MSRA: variants seen among roughly 807,000 people sequenced by gnomAD.
MSRA encodes the protein mitochondrial peptide methionine sulfoxide reductase.
A neutral mutation model predicts 31.3 loss-of-function variants in MSRA; 54 were observed. The ratio of observed to expected loss-of-function variants is 1.73; its 90% CI spans 1.39 to 2.17. The LOEUF (loss-of-function observed/expected upper bound fraction) is 2.17, where lower values mean the gene tolerates loss of function less well. Ranked by LOEUF, MSRA falls within the 30% of genes most tolerant of loss-of-function variation. MSRA has a pLI of 0.00. For missense variants in MSRA, 507 were observed against 300.9 expected, an observed-to-expected ratio of 1.69 and a Z score of -5.07; for synonymous variants, 169 against 116.5, an observed-to-expected ratio of 1.45 and a Z score of -2.90.
At chr8:10,263,157 G>C (rs931559729) in intron 3 of MSRA, among the ~76,000 whole-genome samples, 1 of 152,196 alleles carries the variant, frequency 6.6e-6, no homozygotes, top group African/African-American at 2.4e-5. Context: ...ACCAGCATTA[G>C]GTTGGGTGTT....
chr8:10,420,028 T>A (rs920137348), intron 5 of MSRA, among the ~76,000 whole-genome samples: 2 of 152,164 alleles, frequency 1.3e-5, no homozygotes, highest in East Asian at 1.9e-4. Context: ...TGTTCCCAGA[T>A]GTGTATTATT....
At chr8:10,405,775 GTGCTCACAC>G (rs1807771599) in intron 5 of MSRA, among the ~76,000 whole-genome samples, 3 of 118,172 alleles carry the variant, frequency 2.5e-5, no homozygotes, top group Non-Finnish European at 6.1e-5. Context: ...ACACACCTAT[GTGCTCACAC>G]ATGTAATCAC....
chr8:10,074,955 G>A (rs7835079), intron 1 of MSRA, among the ~76,000 whole-genome samples: 1 of 152,018 alleles, frequency 6.6e-6, no homozygotes, highest in African/African-American at 2.4e-5. Flanking sequence ...CACCACGCCC[G>A]GCACCCTGTA....
intron 5 of MSRA, among the ~76,000 whole-genome samples, chr8:10,379,961 G>C (rs1805970064): frequency 1.3e-5 from 2 of 152,228 alleles, no homozygotes; most frequent in African/African-American, 2.4e-5. Context: ...GATTGGGCCA[G>C]ACGATACGAG....
At chr8:10,379,956 G>A (rs547910661) in intron 5 of MSRA, among the ~76,000 whole-genome samples, 1 of 152,304 alleles carries the variant, frequency 6.6e-6, no homozygotes, top group South Asian at 2.1e-4. Flanking sequence ...GTACTGATTG[G>A]GCCAGACGAT....
intron 1 of MSRA, among the ~76,000 whole-genome samples, chr8:10,112,726 G>A (rs561382588): frequency 1.3e-5 from 2 of 152,190 alleles, no homozygotes; most frequent in Admixed American, 1.3e-4. Context: ...AAAACACAGA[G>A]ACCTATGGGA....
intron 5 of MSRA, among the ~76,000 whole-genome samples, chr8:10,346,689 G>A (rs184050038): frequency 2.6e-4 from 39 of 152,330 alleles, no homozygotes; most frequent in Admixed American, 1.7e-3. Flanking sequence ...AACAAGATGC[G>A]GGGAATCTTG....
intron 5 of MSRA, among the ~76,000 whole-genome samples, chr8:10,422,876 C>G (rs144054719): frequency 1.3e-5 from 2 of 152,328 alleles, no homozygotes; most frequent in East Asian, 3.9e-4. Context: ...CCAGGCAAGT[C>G]CGTCATGACC....
At chr8:10,140,174 G>A (rs1802589437) in intron 1 of MSRA, among the ~76,000 whole-genome samples, 1 of 152,152 alleles carries the variant, frequency 6.6e-6, no homozygotes, top group Non-Finnish European at 1.5e-5. Flanking sequence ...TAAACAGAGG[G>A]ATACTCAGCA....
At chr8:10,146,500 G>T (rs1447581934) in intron 1 of MSRA, among the ~76,000 whole-genome samples, 1 of 152,182 alleles carries the variant, frequency 6.6e-6, no homozygotes, top group Admixed American at 6.5e-5. Context: ...CAGGTGAGTG[G>T]CTGCTGAGGG....
At chr8:10,260,889 T>G (rs928691497) in intron 3 of MSRA, among the ~76,000 whole-genome samples, 2 of 152,210 alleles carry the variant, frequency 1.3e-5, no homozygotes, top group African/African-American at 4.8e-5. Flanking sequence ...AAATAACATT[T>G]GGATATTTGA....
chr8:10,287,521 A>T (rs979121884), intron 3 of MSRA, among the ~76,000 whole-genome samples: 1 of 152,182 alleles, frequency 6.6e-6, no homozygotes, highest in Non-Finnish European at 1.5e-5. Context: ...GTTCGGAATA[A>T]CACAGAACAA....
chr8:10,428,233 A>G lies in MSRA; in HGVS notation c.629A>G (p.Gln210Arg). ...TACTATGCGGAAGACTACCACCAGC[A>G]GTACCTGAGCAAGAACCCCAATGGC... ...TFYYAEDYHQ[Q>R]YLSKNPNGYC... The change falls in exon 6 of 6, where the codon CAG becomes CGG. Residue 210 changes from glutamine (Q) to arginine (R), a missense_variant. Physicochemically the swap from Gln to Arg is conservative, Grantham distance 43. Transcript: ENST00000317173. The G allele has an allele frequency of 6.2e-7, 1 of 1,614,226 alleles. No individual in the cohort carries two copies. Among genetic ancestry groups the G allele is most frequent in the Non-Finnish European group, 8.5e-7 (1 of 1,180,042 alleles).
At chr8:10,141,966 T>G (rs57483394) in intron 1 of MSRA, among the ~76,000 whole-genome samples, 1 of 152,174 alleles carries the variant, frequency 6.6e-6, no homozygotes, top group Non-Finnish European at 1.5e-5. Context: ...TTTTTTTGTT[T>G]GTTTGTTTGG....
intron 1 of MSRA, among the ~76,000 whole-genome samples, chr8:10,161,874 C>T (rs1001230052): frequency 7.9e-5 from 12 of 152,142 alleles, no homozygotes; most frequent in African/African-American, 2.2e-4. Context: ...CATCTCTCCC[C>T]GCCTCTGACA....
intron 1 of MSRA, among the ~76,000 whole-genome samples, chr8:10,194,425 G>T (rs1286677768): frequency 2.6e-5 from 4 of 152,156 alleles, no homozygotes; most frequent in African/African-American, 7.2e-5. Flanking sequence ...AACTAGCCAG[G>T]TGTGGTGGCA....
At position 10,210,289 on chromosome 8, in the gene MSRA, G is replaced by A. The variant is rs546721956; in HGVS notation, c.211+2388G>A. Among the ~76,000 whole-genome samples, 32 of 152,300 alleles carry A rather than the reference G, an allele frequency of 2.1e-4. 2 individuals are homozygous for A. In the South Asian group the frequency reaches 6.4e-3, roughly 31 times the overall value. The stretch of plus-strand genomic sequence containing the variant: ...CAAGGAGGTGGTTGGTGGAGCTACA[G>A]TTTGAGCCCAAGTCTAATTGACCTG... On this transcript the variant is annotated intron_variant, in intron 2 of 5. Transcript: ENST00000317173.
intron 1 of MSRA, among the ~76,000 whole-genome samples, chr8:10,078,344 G>A (rs1221009795): frequency 6.6e-6 from 1 of 152,232 alleles, no homozygotes; most frequent in African/African-American, 2.4e-5. Flanking sequence ...TGTATGAATG[G>A]TTGGTTTGGG....
chr8:10,316,495 G>C (rs1019414709), intron 4 of MSRA, among the ~76,000 whole-genome samples: 3 of 146,134 alleles, frequency 2.1e-5, no homozygotes, highest in Non-Finnish European at 4.5e-5. Context: ...GACATAGTGA[G>C]AACTATAGGA....
Sources: gnomAD v4.1 joint callset for allele counts (sites outside exome capture counted in the v4.1 genomes callset) on GRCh38, gnomAD v4.1.1 for gene constraint, MANE v1.5 for transcripts, NCBI Gene and HGNC (gene_info 2026-07-23, HGNC 2026-07-21) for gene names.